SLC6A15: variants seen among roughly 807,000 people sequenced by gnomAD.
The protein encoded by SLC6A15 is sodium-dependent neutral amino acid transporter B(0)AT2.
SLC6A15 carries 33 observed loss-of-function variants against 68.5 expected under a neutral mutation model. The ratio of observed to expected loss-of-function variants is 0.48; its 90% CI spans 0.37 to 0.64. The LOEUF (loss-of-function observed/expected upper bound fraction) is 0.64, where lower values mean the gene tolerates loss of function less well. SLC6A15 is among the 30% of genes least tolerant of loss of function. SLC6A15 has a pLI of 0.00. For synonymous variants in SLC6A15, 347 were observed against 301.0 expected (o/e 1.15, Z -1.58); for missense variants, 747 against 874.3 (o/e 0.85, Z 1.84).
chr12:84,890,586 G>A (rs755307296), intron 2 of SLC6A15, among the ~76,000 whole-genome samples: 3 of 152,132 alleles, frequency 2.0e-5, no homozygotes, highest in South Asian at 2.1e-4. Flanking sequence ...CTGACTCTAC[G>A]TTCGATCTTT....
chr12:84,867,413 C>T lies in SLC6A15; in HGVS notation c.1496-220G>A, dbSNP rs185417145. 296 of 302,982 alleles carry T rather than the reference C, an allele frequency of 9.8e-4. 1 individual carries two copies. Among genetic ancestry groups the T allele is most frequent in the African/African-American group, 6.2e-3 (290 of 46,470 alleles). The allele number at this position is 302,982 out of a possible 1,614,324, so 18.8% of individuals were successfully genotyped here. A position where few individuals can be genotyped will look rare whatever the true frequency, so the allele number is the denominator to read the frequency against. On this transcript the variant is annotated intron_variant, in intron 9 of 11. Transcript: ENST00000266682. ...ACAAATTTATTCTAAGACAGTAATT[C>T]ATCTCCCTGAGCCCGTGGAAACTCA...
intron 1 of SLC6A15, among the ~76,000 whole-genome samples, chr12:84,907,874 A>G (rs1479253145): frequency 6.6e-6 from 1 of 152,234 alleles, no homozygotes; most frequent in Non-Finnish European, 1.5e-5. Flanking sequence ...AACTACCAAT[A>G]TACATGACTT....
chr12:84,892,735 C>A (rs150375018), intron 1 of SLC6A15, among the ~76,000 whole-genome samples: 1 of 152,114 alleles, frequency 6.6e-6, no homozygotes, highest in Non-Finnish European at 1.5e-5. Flanking sequence ...CTCTTCTGTT[C>A]AAACATTCGT....
chr12:84,898,036 A>G (rs1872700962), intron 1 of SLC6A15, among the ~76,000 whole-genome samples: 1 of 152,210 alleles, frequency 6.6e-6, no homozygotes, highest in Non-Finnish European at 1.5e-5. Flanking sequence ...GTAGGAAGTA[A>G]TAGATACTGT....
chr12:84,905,625 A>G (rs1221882970), intron 1 of SLC6A15, among the ~76,000 whole-genome samples: 1 of 152,174 alleles, frequency 6.6e-6, no homozygotes, highest in Non-Finnish European at 1.5e-5. Context: ...GACCTCCCAC[A>G]AATACCAAAA....
At chr12:84,885,376 G>C in intron 4 of SLC6A15, 59 bp downstream of exon 4, 1 of 1,408,968 alleles carries the variant, frequency 7.1e-7, no homozygotes, top group Non-Finnish European at 9.4e-7. Flanking sequence ...TTGAAAGCTT[G>C]TACCTTTGCC....
intron 5 of SLC6A15, among the ~76,000 whole-genome samples, chr12:84,879,599 TACAGGCGTGAGCC>T (rs1208788256): frequency 6.6e-6 from 1 of 151,796 alleles, no homozygotes; most frequent in African/African-American, 2.4e-5. Flanking sequence ...GTGCTGGGAT[TACAGGCGTGAGCC>T]ACCGCCTGGC....
intron 8 of SLC6A15, among the ~76,000 whole-genome samples, chr12:84,871,598 G>A (rs1056007394): frequency 7.9e-5 from 12 of 151,284 alleles, no homozygotes; most frequent in Non-Finnish European, 1.2e-4. Flanking sequence ...AACTTTGAAC[G>A]GTACATTAGT....
intron 1 of SLC6A15, among the ~76,000 whole-genome samples, chr12:84,895,361 T>TC (rs1872597609): frequency 7.7e-6 from 1 of 130,534 alleles, no homozygotes; most frequent in Non-Finnish European, 1.6e-5. Context: ...TTTTTTTTTT[T>TC]TTTTTTGAGA....
At chr12:84,874,577 C>A (rs1242870440) in intron 6 of SLC6A15, 1 of 152,112 alleles carries the variant, frequency 6.6e-6, no homozygotes, top group Non-Finnish European at 1.5e-5. Context: ...GGATGTATTG[C>A]TTCAACTAAT....
intron 1 of SLC6A15, among the ~76,000 whole-genome samples, chr12:84,908,239 A>T (rs1406851006): frequency 3.9e-5 from 6 of 152,124 alleles, no homozygotes; most frequent in Non-Finnish European, 4.4e-5. Context: ...ACTACATGGG[A>T]CTCAACACCC....
At chr12:84,870,304 T>G (rs1185529939) in intron 9 of SLC6A15, among the ~76,000 whole-genome samples, 174 bp downstream of exon 9, 1 of 150,136 alleles carries the variant, frequency 6.7e-6, no homozygotes, top group Non-Finnish European at 1.5e-5. Flanking sequence ...ACAATAAAAA[T>G]TATACAATTA....
chr12:84,892,836 C>A (rs1872477377), intron 1 of SLC6A15, among the ~76,000 whole-genome samples: 1 of 152,062 alleles, frequency 6.6e-6, no homozygotes, highest in South Asian at 2.1e-4. Flanking sequence ...ACTCTGTCAC[C>A]CAGGCTGGAG....
intron 10 of SLC6A15, 64 bp downstream of exon 10, chr12:84,866,970 C>T: frequency 7.7e-7 from 1 of 1,306,520 alleles, no homozygotes; most frequent in Non-Finnish European, 1.0e-6. Context: ...ATGAAATGAA[C>T]ATTGATAATT....
intron 2 of SLC6A15, among the ~76,000 whole-genome samples, chr12:84,890,945 C>T (rs80056493): frequency 0.041 from 6,196 of 152,048 alleles, 402 homozygotes; most frequent in African/African-American, 0.14. Context: ...ACAGCATGTA[C>T]GTGTACATAA....
intron 1 of SLC6A15, among the ~76,000 whole-genome samples, chr12:84,902,846 GGA>G (rs1168674839): frequency 1.3e-5 from 2 of 152,106 alleles, no homozygotes; most frequent in African/African-American, 4.8e-5. Flanking sequence ...AGTTAGGGAT[GGA>G]GAGGGTAAAT....
At chr12:84,873,577 T>C (rs543252179) in intron 6 of SLC6A15, among the ~76,000 whole-genome samples, 1 of 152,272 alleles carries the variant, frequency 6.6e-6, no homozygotes, top group African/African-American at 2.4e-5. Context: ...TACATGGTGG[T>C]TTTTAAATAT....
chr12:84,893,411 G>T (rs1300924149), intron 1 of SLC6A15, among the ~76,000 whole-genome samples: 1 of 151,870 alleles, frequency 6.6e-6, no homozygotes, highest in East Asian at 1.9e-4. Context: ...AATCCCTTTG[G>T]GATTTTTTTT....
intron 1 of SLC6A15, among the ~76,000 whole-genome samples, chr12:84,897,871 T>G (rs934062120): frequency 6.6e-6 from 1 of 152,084 alleles, no homozygotes; most frequent in Admixed American, 6.6e-5. Flanking sequence ...TGTTGAAGAA[T>G]AGAAGTGAAC....
Sources: allele counts gnomAD v4.1 joint callset (sites outside exome capture counted in the v4.1 genomes callset), GRCh38; gene constraint gnomAD v4.1.1; transcripts MANE v1.5; gene names NCBI Gene and HGNC (gene_info 2026-07-23, HGNC 2026-07-21).